The following ALK variants were observed in gnomAD, a reference collection of about 807,000 sequenced individuals.
ALK encodes the protein ALK receptor tyrosine kinase.
ALK carries 74 observed loss-of-function variants against 163.1 expected under a neutral mutation model. The ratio of observed to expected loss-of-function variants is 0.45; its 90% CI spans 0.38 to 0.55. The LOEUF is 0.55. ALK is among the 20% of genes least tolerant of loss of function. ALK has a pLI of 0.00. For missense variants in ALK, 2,063 were observed against 2,105.3 expected, an observed-to-expected ratio of 0.98 and a Z score of 0.39; for synonymous variants, 960 against 843.2, an observed-to-expected ratio of 1.14 and a Z score of -2.40.
intron 5 of ALK, among the ~76,000 whole-genome samples, chr2:29,350,714 A>G (rs1217826598): frequency 6.6e-6 from 1 of 152,152 alleles, no homozygotes; most frequent in African/African-American, 2.4e-5. Context: ...CACTGGACCC[A>G]CTGTTTGTCA....
intron 3 of ALK, among the ~76,000 whole-genome samples, chr2:29,559,200 C>T (rs1673946878): frequency 6.6e-6 from 1 of 152,188 alleles, no homozygotes. Context: ...CTTTAACGGC[C>T]TTTCCAGGAA....
chr2:29,395,118 C>T (rs1669271850), intron 4 of ALK, among the ~76,000 whole-genome samples: 3 of 152,162 alleles, frequency 2.0e-5, no homozygotes, highest in Admixed American at 1.3e-4. Flanking sequence ...CCATCCTGTT[C>T]CCTAGAGAGG....
At chr2:29,835,266 C>T (rs948314281) in intron 1 of ALK, among the ~76,000 whole-genome samples, 2 of 152,014 alleles carry the variant, frequency 1.3e-5, no homozygotes, top group Non-Finnish European at 2.9e-5. Flanking sequence ...AATTCAGTGG[C>T]CATATTATAG....
At chr2:29,764,309 G>C (rs1394002584) in intron 1 of ALK, among the ~76,000 whole-genome samples, 1 of 152,140 alleles carries the variant, frequency 6.6e-6, no homozygotes, top group Admixed American at 6.5e-5. Flanking sequence ...TGAGTACCAA[G>C]TGGTCTAGTT....
chr2:29,239,488 T>TC (rs1188413759), intron 13 of ALK, among the ~76,000 whole-genome samples, 192 bp downstream of exon 13: 1 of 151,936 alleles, frequency 6.6e-6, no homozygotes, highest in Non-Finnish European at 1.5e-5. Context: ...AGGTCCTGCC[T>TC]CCCCCTAGCA....
At chr2:29,224,170 G>A (rs1663852050) in intron 19 of ALK, among the ~76,000 whole-genome samples, 1 of 152,214 alleles carries the variant, frequency 6.6e-6, no homozygotes, top group African/African-American at 2.4e-5. Flanking sequence ...ATCTTGGTCA[G>A]TTGTGTTTCC....
chr2:29,243,144 G>A (rs73920748), intron 12 of ALK, among the ~76,000 whole-genome samples: 5,347 of 152,314 alleles, frequency 0.035, 313 homozygotes, highest in African/African-American at 0.12. Context: ...CCTGGATCCA[G>A]ATCCCAGCTC....
chr2:29,711,132 C>T (rs1679086379), intron 2 of ALK, among the ~76,000 whole-genome samples: 1 of 152,162 alleles, frequency 6.6e-6, no homozygotes, highest in Non-Finnish European at 1.5e-5. Flanking sequence ...TCCTCCTTCC[C>T]TTTCTTTTCC....
intron 2 of ALK, among the ~76,000 whole-genome samples, chr2:29,712,002 CATAGAG>C: frequency 1.3e-5 from 2 of 152,314 alleles, no homozygotes; most frequent in African/African-American, 4.8e-5. Flanking sequence ...TTGCCACCAA[CATAGAG>C]ATAAATTGTT....
At chr2:29,341,652 C>A (rs995966194) in intron 5 of ALK, among the ~76,000 whole-genome samples, 1 of 152,170 alleles carries the variant, frequency 6.6e-6, no homozygotes, top group Non-Finnish European at 1.5e-5. Context: ...ATTCTAGGCA[C>A]AAAGCCAAGT....
intron 4 of ALK, among the ~76,000 whole-genome samples, chr2:29,418,999 T>C (rs1213534915): frequency 6.6e-6 from 1 of 151,528 alleles, no homozygotes; most frequent in Non-Finnish European, 1.5e-5. Flanking sequence ...TAGTCTGTGC[T>C]CTCAATAATC....
At chr2:29,731,266 GTCA>G (rs1389828011) in intron 1 of ALK, among the ~76,000 whole-genome samples, 11 of 152,186 alleles carry the variant, frequency 7.2e-5, no homozygotes, top group Admixed American at 7.2e-4. Context: ...AGCCTCATCT[GTCA>G]TCATACAAGC....
At chr2:29,775,913 A>T (rs1681162841) in intron 1 of ALK, among the ~76,000 whole-genome samples, 1 of 152,194 alleles carries the variant, frequency 6.6e-6, no homozygotes, top group Non-Finnish European at 1.5e-5. Context: ...TATTTCACAC[A>T]TTCTTGAGCA....
chr2:29,405,924 G>C (rs1669570335), intron 4 of ALK, among the ~76,000 whole-genome samples: 1 of 152,084 alleles, frequency 6.6e-6, no homozygotes, highest in Non-Finnish European at 1.5e-5. Context: ...ATGATGCCTG[G>C]GTTGGTCCAC....
intron 4 of ALK, among the ~76,000 whole-genome samples, chr2:29,402,986 C>T (rs1018482879): frequency 2.6e-5 from 4 of 152,126 alleles, no homozygotes; most frequent in African/African-American, 9.7e-5. Context: ...TGTTTTGAAC[C>T]TGAGTGTGGG....
At chr2:29,641,471 G>T (rs1676699485) in intron 3 of ALK, among the ~76,000 whole-genome samples, 1 of 152,100 alleles carries the variant, frequency 6.6e-6, no homozygotes, top group Non-Finnish European at 1.5e-5. Flanking sequence ...AACAGCCCCT[G>T]GGAAAAACAG....
chr2:29,529,744 T>C (rs933267798), intron 4 of ALK, among the ~76,000 whole-genome samples: 16 of 152,250 alleles, frequency 1.1e-4, no homozygotes, highest in Admixed American at 3.9e-4. Context: ...GTGAGGAGGC[T>C]GGTCCAGGCA....
intron 1 of ALK, among the ~76,000 whole-genome samples, chr2:29,850,906 C>T (rs143132661): frequency 2.9e-4 from 44 of 152,332 alleles, no homozygotes; most frequent in African/African-American, 1.1e-3. Flanking sequence ...CCAGCCCTGC[C>T]CCCGGGGGAC....
chr2:29,510,088 T>C (rs1314046539), intron 4 of ALK, among the ~76,000 whole-genome samples: 1 of 152,164 alleles, frequency 6.6e-6, no homozygotes. Context: ...CTGACATTCT[T>C]GTGGCTTCTC....
Sources: gnomAD v4.1 joint callset for allele counts (sites outside exome capture counted in the v4.1 genomes callset) on GRCh38, gnomAD v4.1.1 for gene constraint, MANE v1.5 for transcripts, NCBI Gene and HGNC (gene_info 2026-07-23, HGNC 2026-07-21) for gene names.